Variants in LTN1 observed in about 807,000 individuals in gnomAD.
LTN1 encodes listerin E3 ubiquitin protein ligase 1.
Under a neutral mutation model 201.2 loss-of-function variants are expected in LTN1, and 88 were observed. That is an observed-to-expected ratio of 0.44 (90% CI 0.37 to 0.52). LTN1 has a LOEUF of 0.52. LTN1 is among the 20% of genes least tolerant of loss of function. LTN1 has a pLI of 0.00. For synonymous variants in LTN1, 645 were observed against 713.5 expected, an observed-to-expected ratio of 0.90 and a Z score of 1.53; for missense variants, 1,752 against 2,038.7, an observed-to-expected ratio of 0.86 and a Z score of 2.71.
chr21:28,968,808 T>C (rs1399711202), intron 9 of LTN1, among the ~76,000 whole-genome samples: 11 of 151,828 alleles, frequency 7.2e-5, no homozygotes, highest in African/African-American at 2.4e-4. Flanking sequence ...GGTTTCTCCA[T>C]GTTGGTCAGG....
chr21:28,938,137 G>A (rs1299891342), intron 25 of LTN1, among the ~76,000 whole-genome samples: 3 of 152,074 alleles, frequency 2.0e-5, no homozygotes, highest in African/African-American at 7.2e-5. Context: ...ATCTTCAATA[G>A]AGAAGAAAAT....
chr21:28,934,345 C>A (rs2084236667), intron 27 of LTN1, among the ~76,000 whole-genome samples: 1 of 152,100 alleles, frequency 6.6e-6, no homozygotes, highest in African/African-American at 2.4e-5. Context: ...GGATCTGTAT[C>A]CCCGCTCAAA....
Position 28,967,151 on chromosome 21 carries a change from T to C in LTN1, c.1340A>G (p.Lys447Arg), listed in dbSNP as rs1190354401. Residue 447 changes from lysine (K) to arginine (R), a missense_variant, in exon 10 of 30, where the codon AAA (lysine) becomes AGA (arginine). Physicochemically the swap from Lys to Arg is conservative, Grantham distance 26. This residue lies in a region of LTN1 where 1,211 missense variants were observed against 1,312.8 expected (regional missense o/e 0.92). Transcript: ENST00000361371. ...CTGCCCATGTTGCAATCCTGGGTCT[T>C]TGAGAACTGCATCAATAAAAGGGAT... Reference protein sequence around the residue: ...QLIPFIDAVLKDPGLQHGQLF... With the variant: ...QLIPFIDAVLRDPGLQHGQLF... The C allele has an allele frequency of 5.0e-6, 8 of 1,612,402 alleles. No homozygotes were observed. Among genetic ancestry groups the C allele is most frequent in the Non-Finnish European group, 6.8e-6 (8 of 1,179,496 alleles).
intron 26 of LTN1, 37 bp from the exon 27 acceptor site, chr21:28,935,366 T>TC: frequency 8.1e-7 from 1 of 1,229,458 alleles, no homozygotes; most frequent in East Asian, 2.5e-5. Context: ...GTAACATATA[T>TC]TTCTTATATA....
In LTN1 at chr21:28,959,779, C is replaced by T. The variant is rs565837920; in HGVS notation, c.2354-82G>A. On this transcript the variant is annotated intron_variant, in intron 12 of 29. Transcript: ENST00000361371. ...AATATCTTACTTTGGATTAATAATT[C>T]TATGGGTCTTTCCTGGATTTTAAAA... 4.3e-5 allele frequency: 51 copies of T among 1,178,666 alleles called. No individual in the cohort carries two copies. In the Admixed American group the frequency reaches 8.9e-4, roughly 21 times the overall value. 73.0% of individuals were successfully genotyped at this position (1,178,666 alleles called of 1,614,324 possible).
intron 18 of LTN1, among the ~76,000 whole-genome samples, chr21:28,948,054 T>C (rs1204458404): frequency 4.7e-5 from 7 of 150,280 alleles, no homozygotes; most frequent in Non-Finnish European, 8.9e-5. Context: ...CAGCCGGGTG[T>C]GGTGGCAGGC....
intron 27 of LTN1, among the ~76,000 whole-genome samples, chr21:28,934,314 A>C: frequency 6.6e-6 from 1 of 152,154 alleles, no homozygotes. Context: ...CTCAAAAACT[A>C]TTTGGTGGGT....
chr21:28,965,923 A>G lies in LTN1; in HGVS notation c.2122-17T>C. 2 of 1,512,854 alleles carry G rather than the reference A, an allele frequency of 1.3e-6. No individual in the cohort carries two copies. Among genetic ancestry groups the G allele is most frequent in the Non-Finnish European group, 9.1e-7 (1 of 1,103,106 alleles). 93.7% of individuals were successfully genotyped at this position (1,512,854 alleles called of 1,614,324 possible). ...CAAGTCCACCTGAAAAAAGAAAAAG[A>G]GTTAGAAACAATCTGCTAGAACAAC... is the stretch of plus-strand genomic sequence containing the variant. On this transcript the variant is annotated splice_polypyrimidine_tract_variant and intron_variant, in intron 10 of 29. Transcript: ENST00000361371.
intron 9 of LTN1, among the ~76,000 whole-genome samples, chr21:28,968,269 T>G (rs1435272213): frequency 6.6e-6 from 1 of 152,194 alleles, no homozygotes; most frequent in Non-Finnish European, 1.5e-5. Context: ...TGGATTTAAG[T>G]GTTTTGCTTT....
Position 28,992,818 on chromosome 21 carries a change from A to T in LTN1, c.-13T>A. ...TCTTCCCGCCCATGGTCGCGGTTGC[A>T]GCTGTACTCTGAGCACTCAGACCCC... On this transcript the variant is annotated 5_prime_UTR_variant, in exon 1 of 30. Transcript: ENST00000361371. 3.1e-6 allele frequency: 5 copies of T among 1,614,154 alleles called. No individual in the cohort carries two copies. The highest frequency in any genetic ancestry group is 1.1e-5 in the South Asian group (1 of 91,084).
chr21:28,934,612 G>T (rs533395157), intron 27 of LTN1, among the ~76,000 whole-genome samples: 1 of 152,048 alleles, frequency 6.6e-6, no homozygotes, highest in Admixed American at 6.6e-5. Context: ...CCGCCACCAC[G>T]CATGGCTAAT....
Position 28,979,245 on chromosome 21 carries a change from A to G in LTN1, c.810+1874T>C, listed in dbSNP as rs566545369. Among the ~76,000 whole-genome samples, 178 of 152,336 alleles carry G rather than the reference A, an allele frequency of 1.2e-3. 1 individual carries two copies. The highest frequency in any genetic ancestry group is 3.5e-3 in the African/African-American group (147 of 41,574). On this transcript the variant is annotated intron_variant, in intron 6 of 29. Coordinates refer to ENST00000361371, the MANE Select transcript of LTN1 (RefSeq NM_015565.3). ...CTAGAGTAATGCAGCCCTTCAGGAG[A>G]GCAATCTGGCACTATTTTAGGAAAT...
chr21:28,970,790 T>C (rs1461459496), intron 7 of LTN1, 48 bp from the exon 8 acceptor site: 2 of 1,399,922 alleles, frequency 1.4e-6, no homozygotes, highest in South Asian at 2.8e-5. Context: ...ATAAACATAC[T>C]TTTCTCAATT....
intron 25 of LTN1, among the ~76,000 whole-genome samples, chr21:28,938,726 G>A (rs752025947): frequency 1.2e-4 from 18 of 152,110 alleles, no homozygotes; most frequent in Admixed American, 2.6e-4. Context: ...TCTACAAAAT[G>A]GAGTATTATT....
Position 28,930,443 on chromosome 21 carries a change from A to G in LTN1, c.*5T>C. On this transcript the variant is annotated 3_prime_UTR_variant, in exon 30 of 30. Coordinates refer to ENST00000361371, the MANE Select transcript of LTN1 (RefSeq NM_015565.3). ...CTTCAGGGATCCCTTCCAGTGAAAA[A>G]AATCTCAGAAAAACGTCTCACGACA... 6.2e-7 allele frequency: 1 copy of G among 1,609,618 alleles called. No homozygotes were observed. The highest frequency in any genetic ancestry group is 8.5e-7 in the Non-Finnish European group (1 of 1,176,586).
intron 28 of LTN1, among the ~76,000 whole-genome samples, chr21:28,932,097 T>C (rs1445133972): frequency 6.6e-6 from 1 of 152,234 alleles, no homozygotes; most frequent in Non-Finnish European, 1.5e-5. Context: ...CAAAGGTCTT[T>C]GAGGGTCCTG....
rs917274000 is a variant in LTN1, at chr21:28,928,315, A to G, written c.*2133T>C. On this transcript the variant is annotated 3_prime_UTR_variant, in exon 30 of 30. Coordinates refer to ENST00000361371, the MANE Select transcript of LTN1 (RefSeq NM_015565.3). ...TATGGTATAACAATCAAATAATAAC[A>G]TTAATTACTTGCACCACAAAAATGT... The G allele has an allele frequency of 6.6e-6, 1 of 152,656 alleles. No individual in the cohort carries two copies. Among genetic ancestry groups the G allele is most frequent in the Non-Finnish European group, 1.5e-5 (1 of 68,032 alleles). 9.5% of individuals were successfully genotyped at this position (152,656 alleles called of 1,614,324 possible).
intron 26 of LTN1, 74 bp downstream of exon 26, chr21:28,936,452 C>A (rs2084257572): frequency 7.9e-7 from 1 of 1,263,876 alleles, no homozygotes; most frequent in African/African-American, 1.5e-5. Flanking sequence ...TCTCCACATT[C>A]TCAGGGAAAA....
chr21:28,936,081 G>A (rs1469474360), intron 26 of LTN1, among the ~76,000 whole-genome samples: 1 of 152,126 alleles, frequency 6.6e-6, no homozygotes, highest in Non-Finnish European at 1.5e-5. Flanking sequence ...ATACTCACAA[G>A]ATGCAGTCCA....
Sources: gnomAD v4.1 joint callset for allele counts (sites outside exome capture counted in the v4.1 genomes callset) on GRCh38, gnomAD v4.1.1 for gene constraint, gnomAD v4.1.1 regional missense constraint, MANE v1.5 for transcripts, NCBI Gene and HGNC (gene_info 2026-07-23, HGNC 2026-07-21) for gene names.